The following FNBP1L variants were observed in gnomAD, a reference collection of about 807,000 sequenced individuals.
FNBP1L encodes the protein formin binding protein 1 like.
In FNBP1L, 36 loss-of-function variants were observed where a neutral mutation model predicts 91.2. That is an observed-to-expected ratio of 0.39 (90% CI 0.30 to 0.52). The LOEUF is 0.52. Among genes scored for constraint, FNBP1L ranks in the 20% least tolerant of loss-of-function variants. The pLI is 0.66. For missense variants in FNBP1L, 571 were observed against 732.1 expected (o/e 0.78, Z 2.54); for synonymous variants, 242 against 237.0 (o/e 1.02, Z -0.19).
intron 2 of FNBP1L, among the ~76,000 whole-genome samples, chr1:93,510,982 G>A (rs1287794695): frequency 6.6e-6 from 1 of 152,144 alleles, no homozygotes; most frequent in African/African-American, 2.4e-5. Flanking sequence ...TGTCTGATTG[G>A]TGTACCTGAA....
chr1:93,450,657 A>T (rs1384468113), intron 1 of FNBP1L, among the ~76,000 whole-genome samples: 1 of 152,192 alleles, frequency 6.6e-6, no homozygotes, highest in African/African-American at 2.4e-5. Flanking sequence ...GAGGAATTTG[A>T]GGTTGGGAAA....
chr1:93,473,922 TGGCCTTTA>T (rs1202182248), intron 1 of FNBP1L, among the ~76,000 whole-genome samples: 1 of 152,128 alleles, frequency 6.6e-6, no homozygotes, highest in Non-Finnish European at 1.5e-5. Flanking sequence ...ACGGGATCTA[TGGCCTTTA>T]GTAGGGGAAT....
At chr1:93,506,645 T>C (rs928234143) in intron 2 of FNBP1L, among the ~76,000 whole-genome samples, 6 of 152,200 alleles carry the variant, frequency 3.9e-5, no homozygotes, top group African/African-American at 1.4e-4. Flanking sequence ...AAACAGTGAT[T>C]AGAACTCAGC....
chr1:93,552,386 TTC>T, intron 16 of FNBP1L, 21 bp from the exon 17 acceptor site: 2 of 1,609,018 alleles, frequency 1.2e-6, no homozygotes, highest in Non-Finnish European at 1.7e-6. Context: ...AATTGTTCTT[TTC>T]TTTTTCCTCC....
At chr1:93,540,209 C>T (rs1480238040) in intron 10 of FNBP1L, among the ~76,000 whole-genome samples, 1 of 151,836 alleles carries the variant, frequency 6.6e-6, no homozygotes, top group Non-Finnish European at 1.5e-5. Context: ...CATATATATA[C>T]ATATATAAAG....
intron 2 of FNBP1L, among the ~76,000 whole-genome samples, chr1:93,516,073 G>A (rs1671095619): frequency 6.6e-6 from 1 of 151,990 alleles, no homozygotes; most frequent in Non-Finnish European, 1.5e-5. Flanking sequence ...CAGTCTCTTG[G>A]ATTTACATAT....
intron 6 of FNBP1L, among the ~76,000 whole-genome samples, 155 bp from the exon 7 acceptor site, chr1:93,530,600 A>G (rs564579490): frequency 2.0e-5 from 3 of 152,266 alleles, no homozygotes; most frequent in South Asian, 2.1e-4. Flanking sequence ...ATTTTAAATG[A>G]TATTAATAGT....
intron 11 of FNBP1L, 67 bp from the exon 12 acceptor site, chr1:93,544,040 G>T: frequency 9.0e-7 from 1 of 1,117,132 alleles, no homozygotes; most frequent in Non-Finnish European, 1.3e-6. Flanking sequence ...TTATTTTATA[G>T]CAGGTATATT....
chr1:93,478,435 G>A (rs1669573963), intron 1 of FNBP1L, among the ~76,000 whole-genome samples: 1 of 152,144 alleles, frequency 6.6e-6, no homozygotes, highest in Non-Finnish European at 1.5e-5. Context: ...ACCCATTGCA[G>A]TGTGTTGGAG....
At chr1:93,464,659 T>A (rs1669013436) in intron 1 of FNBP1L, among the ~76,000 whole-genome samples, 1 of 152,226 alleles carries the variant, frequency 6.6e-6, no homozygotes, top group Middle Eastern at 3.2e-3. Context: ...AACAGTCAAT[T>A]TCTTGTTCTT....
intron 2 of FNBP1L, among the ~76,000 whole-genome samples, chr1:93,509,857 A>C (rs1670759826): frequency 1.3e-5 from 2 of 152,144 alleles, no homozygotes; most frequent in Non-Finnish European, 2.9e-5. Context: ...GACAGACGGC[A>C]TCTGGAAAAT....
At chr1:93,477,628 A>T (rs1270942971) in intron 1 of FNBP1L, among the ~76,000 whole-genome samples, 1 of 152,244 alleles carries the variant, frequency 6.6e-6, no homozygotes, top group Non-Finnish European at 1.5e-5. Flanking sequence ...CTTCTCAGAA[A>T]ATGAAGAATG....
chr1:93,532,190 CG>C (rs1343374443), intron 7 of FNBP1L, among the ~76,000 whole-genome samples: 1 of 150,772 alleles, frequency 6.6e-6, no homozygotes, highest in Non-Finnish European at 1.5e-5. Context: ...CAGACTTGGC[CG>C]GGGGCAGTGG....
intron 6 of FNBP1L, 106 bp from the exon 7 acceptor site, chr1:93,530,649 A>C (rs896194684): frequency 2.6e-6 from 3 of 1,148,752 alleles, no homozygotes; most frequent in Non-Finnish European, 3.7e-6. Context: ...TTTTGATGTC[A>C]GGTGTTGGCT....
intron 9 of FNBP1L, among the ~76,000 whole-genome samples, chr1:93,535,622 T>A (rs1267678658): frequency 6.6e-6 from 1 of 152,110 alleles, no homozygotes; most frequent in Non-Finnish European, 1.5e-5. Context: ...CATTTTTTGA[T>A]CATGGCATAT....
At chr1:93,512,588 C>A (rs1670897639) in intron 2 of FNBP1L, among the ~76,000 whole-genome samples, 1 of 151,264 alleles carries the variant, frequency 6.6e-6, no homozygotes, top group South Asian at 2.1e-4. Flanking sequence ...GACCACAGTG[C>A]AATCAAACTA....
At chr1:93,511,083 C>T (rs571601281) in intron 2 of FNBP1L, among the ~76,000 whole-genome samples, 408 of 152,256 alleles carry the variant, frequency 2.7e-3, no homozygotes, top group African/African-American at 9.3e-3. Flanking sequence ...GGCCAACATT[C>T]AGATTCAGGA....
intron 1 of FNBP1L, 64 bp downstream of exon 1, chr1:93,448,369 C>T: frequency 6.9e-7 from 1 of 1,447,796 alleles, no homozygotes; most frequent in Non-Finnish European, 9.1e-7. Flanking sequence ...GTTGGGCGGG[C>T]GCCGCGGACC....
chr1:93,464,769 C>A (rs1416129658), intron 1 of FNBP1L, among the ~76,000 whole-genome samples: 1 of 152,122 alleles, frequency 6.6e-6, no homozygotes, highest in African/African-American at 2.4e-5. Flanking sequence ...TGCTGTCATT[C>A]AAGATGTGAG....
Sources: allele counts gnomAD v4.1 joint callset (sites outside exome capture counted in the v4.1 genomes callset), GRCh38; gene constraint gnomAD v4.1.1; transcripts MANE v1.5; gene names NCBI Gene and HGNC (gene_info 2026-07-23, HGNC 2026-07-21).